ADAMTSL1: variants seen among roughly 807,000 people sequenced by gnomAD.
ADAMTSL1 encodes the protein ADAMTS like 1.
In ADAMTSL1, 126 loss-of-function variants were observed where a neutral mutation model predicts 201.8. The observed-to-expected ratio is 0.62, with a 90% confidence interval of 0.54 to 0.72. ADAMTSL1 has a LOEUF of 0.72. ADAMTSL1 is among the 30% of genes least tolerant of loss of function. ADAMTSL1 has a pLI of 0.00. For synonymous variants in ADAMTSL1, 1,121 were observed against 903.4 expected, an observed-to-expected ratio of 1.24 and a Z score of -4.32; for missense variants, 2,679 against 2,277.8, an observed-to-expected ratio of 1.18 and a Z score of -3.59.
chr9:18,155,843 C>T (rs1348602989), intron 1 of ADAMTSL1, among the ~76,000 whole-genome samples: 1 of 151,956 alleles, frequency 6.6e-6, no homozygotes, highest in Non-Finnish European at 1.5e-5. Flanking sequence ...AGAAGAGATG[C>T]TATGAGTTTA....
At chr9:18,266,345 C>T (rs1433256755) in intron 2 of ADAMTSL1, among the ~76,000 whole-genome samples, 1 of 152,170 alleles carries the variant, frequency 6.6e-6, no homozygotes, top group Non-Finnish European at 1.5e-5. Context: ...GAGCCTGGTC[C>T]TCCATCCAAA....
chr9:18,089,091 G>A (rs377357329), intron 1 of ADAMTSL1, among the ~76,000 whole-genome samples: 21 of 152,146 alleles, frequency 1.4e-4, no homozygotes, highest in African/African-American at 3.9e-4. Context: ...GATGGAGGTC[G>A]CAGTGAGCCA....
At chr9:18,416,581 A>T (rs1818686083) in intron 2 of ADAMTSL1, among the ~76,000 whole-genome samples, 1 of 152,030 alleles carries the variant, frequency 6.6e-6, no homozygotes, top group Non-Finnish European at 1.5e-5. Context: ...ATAGAAAAAG[A>T]TATACCATGC....
intron 1 of ADAMTSL1, among the ~76,000 whole-genome samples, chr9:18,073,213 A>G (rs551688152): frequency 6.6e-5 from 10 of 152,062 alleles, no homozygotes; most frequent in Non-Finnish European, 1.3e-4. Flanking sequence ...CTTCAGAGTA[A>G]CCCCCAAAGT....
chr9:18,647,915 G>C (rs1459009067), intron 7 of ADAMTSL1, among the ~76,000 whole-genome samples: 1 of 150,512 alleles, frequency 6.6e-6, no homozygotes, highest in East Asian at 1.9e-4. Flanking sequence ...GCTTGGTGCA[G>C]AGCTGAGTTC....
chr9:18,573,865 C>G (rs1413053380), intron 3 of ADAMTSL1, among the ~76,000 whole-genome samples, 165 bp from the exon 4 acceptor site: 1 of 152,126 alleles, frequency 6.6e-6, no homozygotes, highest in Non-Finnish European at 1.5e-5. Flanking sequence ...ATTTTGCAAG[C>G]CAAATAATCA....
intron 2 of ADAMTSL1, among the ~76,000 whole-genome samples, chr9:18,189,229 A>C (rs574015175): frequency 5.3e-4 from 80 of 152,256 alleles, no homozygotes; most frequent in African/African-American, 1.8e-3. Context: ...GATGCATGAG[A>C]ACATTGTTCT....
At chr9:18,296,641 T>C (rs1397119608) in intron 2 of ADAMTSL1, among the ~76,000 whole-genome samples, 1 of 152,226 alleles carries the variant, frequency 6.6e-6, no homozygotes, top group Non-Finnish European at 1.5e-5. Context: ...ATGAGTTACA[T>C]ACAGATATTT....
intron 3 of ADAMTSL1, among the ~76,000 whole-genome samples, chr9:18,536,270 C>A (rs1229463900): frequency 6.6e-6 from 1 of 152,130 alleles, no homozygotes; most frequent in African/African-American, 2.4e-5. Context: ...TTAGCTAAAT[C>A]TCCACGGTCA....
At chr9:18,787,413 G>A (rs1411638715) in intron 19 of ADAMTSL1, among the ~76,000 whole-genome samples, 1 of 152,110 alleles carries the variant, frequency 6.6e-6, no homozygotes, top group Non-Finnish European at 1.5e-5. Flanking sequence ...TTAGAGTCAG[G>A]CACTATCTAT....
intron 2 of ADAMTSL1, among the ~76,000 whole-genome samples, chr9:18,417,343 C>CT (rs1468200950): frequency 1.4e-5 from 1 of 71,526 alleles, no homozygotes; most frequent in Non-Finnish European, 2.9e-5. Context: ...AAAATAAAGG[C>CT]TAAATGAGAA....
chr9:18,264,990 ATAAAG>A (rs1269934192), intron 2 of ADAMTSL1, among the ~76,000 whole-genome samples: 1 of 152,240 alleles, frequency 6.6e-6, no homozygotes, highest in African/African-American at 2.4e-5. Flanking sequence ...GAAGGATTAA[ATAAAG>A]TAAAGCACAT....
chr9:18,236,256 G>A (rs1298622590), intron 2 of ADAMTSL1, among the ~76,000 whole-genome samples: 1 of 152,052 alleles, frequency 6.6e-6, no homozygotes, highest in Non-Finnish European at 1.5e-5. Flanking sequence ...ATTTTTACTA[G>A]AGACGGGGTT....
chr9:18,535,077 GA>G (rs151207183), intron 3 of ADAMTSL1, among the ~76,000 whole-genome samples: 2,337 of 152,056 alleles, frequency 0.015, 45 homozygotes, highest in African/African-American at 0.048. Context: ...ATTTCTCCCA[GA>G]AAAAAATTTT....
rs1326886153 is a variant in ADAMTSL1 at position 18,908,437 on chromosome 9, C to T, written c.5183-5C>T. On this transcript the variant is annotated splice_polypyrimidine_tract_variant and splice_region_variant and intron_variant, in intron 28 of 28. Coordinates refer to ENST00000380548, the MANE Select transcript of ADAMTSL1 (RefSeq NM_001040272.6). Reference sequence around the variant, plus strand: ...TCCTCTCCCGACCCCGTCCTCCTTTCCCAGTGGAGTGCAGAGACACCACCA... The same window carrying T: ...TCCTCTCCCGACCCCGTCCTCCTTTTCCAGTGGAGTGCAGAGACACCACCA... 6.4e-7 allele frequency: 1 copy of T among 1,554,500 alleles called. No homozygotes were observed. The highest frequency in any genetic ancestry group is 1.4e-5 in the African/African-American group (1 of 73,262).
At chr9:18,515,747 C>A (rs1271668181) in intron 2 of ADAMTSL1, among the ~76,000 whole-genome samples, 1 of 152,108 alleles carries the variant, frequency 6.6e-6, no homozygotes, top group Non-Finnish European at 1.5e-5. Flanking sequence ...GTGGGGATTG[C>A]CCTAGGTACT....
At chr9:18,268,468 C>T (rs1410997393) in intron 2 of ADAMTSL1, among the ~76,000 whole-genome samples, 1 of 152,130 alleles carries the variant, frequency 6.6e-6, no homozygotes, top group African/African-American at 2.4e-5. Context: ...AGATATCAGT[C>T]ATTTAAAGAT....
intron 2 of ADAMTSL1, among the ~76,000 whole-genome samples, chr9:18,521,266 G>A (rs1275642986): frequency 6.6e-6 from 1 of 152,050 alleles, no homozygotes; most frequent in Non-Finnish European, 1.5e-5. Flanking sequence ...GTGGCAGAGA[G>A]GAGGGGCCTC....
chr9:18,182,134 G>A (rs1828511911), intron 2 of ADAMTSL1, among the ~76,000 whole-genome samples: 1 of 143,054 alleles, frequency 7.0e-6, no homozygotes, highest in African/African-American at 2.6e-5. Flanking sequence ...TCTGGGGCCT[G>A]TTGTGGTGTG....
Sources: gnomAD v4.1 joint callset for allele counts (sites outside exome capture counted in the v4.1 genomes callset) on GRCh38, gnomAD v4.1.1 for gene constraint, MANE v1.5 for transcripts, NCBI Gene and HGNC (gene_info 2026-07-23, HGNC 2026-07-21) for gene names.